Variants in SUMF1 observed in about 807,000 individuals in gnomAD.
The protein encoded by SUMF1 is sulfatase modifying factor 1.
In SUMF1, 48 loss-of-function variants were observed where a neutral mutation model predicts 47.6. The ratio of observed to expected loss-of-function variants is 1.01; its 90% CI spans 0.80 to 1.28. SUMF1 has a LOEUF of 1.28. Among genes scored for constraint, SUMF1 ranks in the 50% most tolerant of loss-of-function variants. The probability of loss-of-function intolerance (pLI) is 0.00; values close to 1 mark genes in which losing one functional copy is unlikely to be tolerated. For missense variants in SUMF1, 571 were observed against 485.4 expected (o/e 1.18, Z -1.66); for synonymous variants, 230 against 192.1 (o/e 1.20, Z -1.63).
At chr3:4,111,519 A>T (rs1693306398) in intron 8 of SUMF1, among the ~76,000 whole-genome samples, 1 of 152,036 alleles carries the variant, frequency 6.6e-6, no homozygotes, top group South Asian at 2.1e-4. Flanking sequence ...AGAGATAGAG[A>T]ACATCCTGGC....
intron 8 of SUMF1, chr3:4,303,192 T>G: frequency 1.8e-6 from 1 of 549,410 alleles, no homozygotes; most frequent in Non-Finnish European, 3.1e-6. Context: ...TGCCTCTGGC[T>G]GAAATCAAAA....
rs948181813 is a variant in SUMF1, at chr3:4,351,129, C to G, written c.1014+25201G>C. 1.4e-4 allele frequency among the ~76,000 whole-genome samples: 22 copies of G among 152,170 alleles called. 1 individual carries two copies. The highest frequency in any genetic ancestry group is 1.4e-3 in the Admixed American group (22 of 15,276). ...ACAGGCAATCATCAATGTGATTCAG[C>G]CTTTGGCTTGCCTAATATGTCCTGA... is the stretch of plus-strand genomic sequence containing the variant. On this transcript the variant is annotated intron_variant and NMD_transcript_variant, in intron 8 of 12. Coordinates refer to the SUMF1 transcript ENST00000448413.
chr3:4,427,727 T>G (rs2125063768), intron 3 of SUMF1, among the ~76,000 whole-genome samples: 1 of 152,302 alleles, frequency 6.6e-6, no homozygotes, highest in South Asian at 2.1e-4. Context: ...TATAATACAT[T>G]GCATTCCCAA....
Position 4,266,841 on chromosome 3 carries a change from G to A in SUMF1, c.1014+109489C>T, listed in dbSNP as rs544239713. ...AATGCTTCCAGTTTTTGCCCATTCA[G>A]TATGATATTGGCTGTGGGTTTGTCA... On this transcript the variant is annotated intron_variant and NMD_transcript_variant, in intron 8 of 12. Transcript: ENST00000448413. Among the ~76,000 whole-genome samples, 42 of 146,862 alleles carry A rather than the reference G, an allele frequency of 2.9e-4. No individual in the cohort carries two copies. The East Asian group carries it at 6.1e-3, about 21-fold the overall frequency.
intron 8 of SUMF1, among the ~76,000 whole-genome samples, chr3:4,104,346 A>G (rs1693107195): frequency 1.3e-5 from 2 of 151,714 alleles, no homozygotes; most frequent in African/African-American, 4.9e-5. Flanking sequence ...AGTCCATTAG[A>G]CCTCTTTTTC....
intron 9 of SUMF1, among the ~76,000 whole-genome samples, chr3:4,053,729 T>C (rs899740564): frequency 1.3e-5 from 2 of 152,020 alleles, no homozygotes; most frequent in African/African-American, 4.8e-5. Context: ...TCTTATTAAG[T>C]AGTACAGAAG....
At chr3:4,173,373 G>C (rs150277939) in intron 8 of SUMF1, among the ~76,000 whole-genome samples, 4 of 152,246 alleles carry the variant, frequency 2.6e-5, no homozygotes, top group Non-Finnish European at 4.4e-5. Flanking sequence ...TAAAATGTCA[G>C]GAAACAACAG....
intron 8 of SUMF1, among the ~76,000 whole-genome samples, chr3:4,152,723 T>C (rs1401147656): frequency 6.6e-6 from 1 of 151,558 alleles, no homozygotes; most frequent in African/African-American, 2.4e-5. Flanking sequence ...CAATGCTTCA[T>C]GCAGCCCAAG....
intron 9 of SUMF1, among the ~76,000 whole-genome samples, chr3:4,062,949 G>A (rs552974712): frequency 6.6e-6 from 1 of 152,164 alleles, no homozygotes; most frequent in Admixed American, 6.5e-5. Flanking sequence ...GGTGATCTTT[G>A]CTTTCCTTGG....
chr3:4,211,668 A>C (rs561298955), intron 8 of SUMF1, among the ~76,000 whole-genome samples: 2 of 152,290 alleles, frequency 1.3e-5, no homozygotes, highest in South Asian at 2.1e-4. Context: ...ATTAGACTAT[A>C]AACTACAAGG....
intron 1 of SUMF1, 54 bp downstream of exon 1, chr3:4,466,922 C>T (rs2079963926): frequency 6.9e-6 from 11 of 1,588,212 alleles, no homozygotes; most frequent in African/African-American, 1.3e-5. Context: ...CCTACTCCAA[C>T]CCCGTCCAGG....
chr3:4,071,763 G>C (rs537375852), intron 8 of SUMF1, among the ~76,000 whole-genome samples: 11 of 152,322 alleles, frequency 7.2e-5, no homozygotes, highest in Admixed American at 6.5e-5. Flanking sequence ...TCTGTGGGAA[G>C]GGCATATGTG....
At chr3:4,150,217 C>A (rs1694286100) in intron 8 of SUMF1, among the ~76,000 whole-genome samples, 1 of 151,634 alleles carries the variant, frequency 6.6e-6, no homozygotes, top group Non-Finnish European at 1.5e-5. Context: ...CCTCAGCCTC[C>A]CAAGTAGCTG....
At chr3:4,264,048 C>G (rs559054384) in intron 8 of SUMF1, among the ~76,000 whole-genome samples, 55 of 152,184 alleles carry the variant, frequency 3.6e-4, no homozygotes, top group African/African-American at 1.2e-3. Context: ...TTTCCTTCTC[C>G]TAGTGACAAA....
At chr3:4,275,230 C>G (rs1697387640) in intron 8 of SUMF1, among the ~76,000 whole-genome samples, 1 of 152,092 alleles carries the variant, frequency 6.6e-6, no homozygotes, top group Non-Finnish European at 1.5e-5. Flanking sequence ...GACTTCAGCT[C>G]TAAACACAGT....
intron 9 of SUMF1, among the ~76,000 whole-genome samples, chr3:4,059,585 T>C (rs1364821121): frequency 6.6e-6 from 1 of 152,180 alleles, no homozygotes; most frequent in Non-Finnish European, 1.5e-5. Context: ...ATCCATTCTA[T>C]CATGTTATTC....
intron 8 of SUMF1, among the ~76,000 whole-genome samples, chr3:4,241,522 T>C (rs1370312773): frequency 6.6e-6 from 1 of 152,188 alleles, no homozygotes; most frequent in Non-Finnish European, 1.5e-5. Context: ...GCTGTGTCTC[T>C]TAACACAGAG....
At chr3:4,088,983 A>G (rs1212105085) in intron 8 of SUMF1, among the ~76,000 whole-genome samples, 3 of 152,126 alleles carry the variant, frequency 2.0e-5, no homozygotes, top group Non-Finnish European at 2.9e-5. Context: ...GTCATGGACT[A>G]TCCTCTCAAG....
chr3:4,303,401 C>G, intron 8 of SUMF1: 1 of 1,558,886 alleles, frequency 6.4e-7, no homozygotes, highest in Non-Finnish European at 8.6e-7. Context: ...GACGACACGG[C>G]CTTGTGGGAT....
Sources: allele counts gnomAD v4.1 joint callset (sites outside exome capture counted in the v4.1 genomes callset), GRCh38; gene constraint gnomAD v4.1.1; transcripts MANE v1.5; gene names NCBI Gene and HGNC (gene_info 2026-07-23, HGNC 2026-07-21).